The following ANKRD44 variants were observed in gnomAD, a reference collection of about 807,000 sequenced individuals.
The protein encoded by ANKRD44 is ankyrin repeat domain 44, also known as serine/threonine-protein phosphatase 6 regulatory ankyrin repeat subunit B.
Under a neutral mutation model 116.0 loss-of-function variants are expected in ANKRD44, and 35 were observed. The ratio of observed to expected loss-of-function variants is 0.30; its 90% confidence interval spans 0.23 to 0.40. The LOEUF is 0.40. Ranked by LOEUF, ANKRD44 falls within the 10% of genes least tolerant of loss-of-function variation. ANKRD44 has a pLI of 1.00. For missense variants in ANKRD44, 1,014 were observed against 1,242.6 expected, an observed-to-expected ratio of 0.82 and a Z score of 2.77; for synonymous variants, 435 against 461.8, an observed-to-expected ratio of 0.94 and a Z score of 0.74.
intron 16 of ANKRD44, among the ~76,000 whole-genome samples, chr2:197,070,919 C>G (rs567315056): frequency 6.6e-6 from 1 of 152,100 alleles, no homozygotes; most frequent in African/African-American, 2.4e-5. Context: ...AGTTAAAGGG[C>G]TATTCAAATG....
chr2:197,094,566 G>C (rs1410437579), intron 10 of ANKRD44, among the ~76,000 whole-genome samples: 1 of 152,152 alleles, frequency 6.6e-6, no homozygotes, highest in Non-Finnish European at 1.5e-5. Context: ...ATCATGATCG[G>C]TTAACATTTC....
chr2:197,223,384 G>T (rs1163373716), intron 1 of ANKRD44, among the ~76,000 whole-genome samples: 3 of 152,066 alleles, frequency 2.0e-5, no homozygotes, highest in Admixed American at 2.0e-4. Context: ...TTACATAAAT[G>T]GATTTAGAGG....
intron 3 of ANKRD44, among the ~76,000 whole-genome samples, chr2:197,140,302 T>A (rs920364960): frequency 6.6e-6 from 1 of 152,082 alleles, no homozygotes; most frequent in African/African-American, 2.4e-5. Context: ...CAACACTTGA[T>A]GTTATCAGGC....
chr2:197,156,086 C>T (rs970248130), intron 2 of ANKRD44, among the ~76,000 whole-genome samples: 7 of 152,190 alleles, frequency 4.6e-5, no homozygotes, highest in African/African-American at 1.7e-4. Context: ...GTGGCTCACA[C>T]CTGTAATCCC....
chr2:197,305,648 C>T (rs961956210), intron 1 of ANKRD44, among the ~76,000 whole-genome samples: 1 of 151,956 alleles, frequency 6.6e-6, no homozygotes, highest in Admixed American at 6.6e-5. Context: ...AAAGTTAGTT[C>T]CATTAATCCA....
intron 10 of ANKRD44, among the ~76,000 whole-genome samples, chr2:197,097,800 C>T (rs1346646929): frequency 2.6e-5 from 4 of 152,186 alleles, no homozygotes; most frequent in East Asian, 1.9e-4. Context: ...ACCTGTTCTA[C>T]GCCCACTTAG....
rs375667381 is a variant in ANKRD44 at position 197,273,301 on chromosome 2, A to T, written c.27+37277T>A. Reference sequence around the variant, plus strand: ...GCTCCTACAAACTGGTCAGAAGAGGATAGTTAACCCGATTTTTTTAACATC... The same window carrying T: ...GCTCCTACAAACTGGTCAGAAGAGGTTAGTTAACCCGATTTTTTTAACATC... On this transcript the variant is annotated intron_variant, in intron 1 of 27. Transcript: ENST00000282272. Among the ~76,000 whole-genome samples, 5 of 152,216 alleles carry T rather than the reference A, an allele frequency of 3.3e-5. No homozygotes were observed. The East Asian group carries it at 5.8e-4, about 18-fold the overall frequency.
At chr2:196,985,900 T>C (rs574313393), downstream of ANKRD44, among the ~76,000 whole-genome samples, 10 of 152,320 alleles carry the variant, frequency 6.6e-5, no homozygotes, top group South Asian at 1.2e-3. Context: ...CCTTTAAGGA[T>C]AGTGCAGAGA....
intron 3 of ANKRD44, among the ~76,000 whole-genome samples, chr2:197,138,634 G>A (rs904676530): frequency 6.6e-6 from 1 of 152,064 alleles, no homozygotes; most frequent in Admixed American, 6.6e-5. Context: ...AAAATTACCC[G>A]CCTTTACGTC....
At chr2:197,138,941 A>C (rs911403595) in intron 3 of ANKRD44, among the ~76,000 whole-genome samples, 3 of 152,218 alleles carry the variant, frequency 2.0e-5, no homozygotes, top group African/African-American at 7.2e-5. Context: ...GTACTTCTCA[A>C]AATTCGTCAG....
At chr2:197,006,996 T>TG (rs1219222574) in intron 20 of ANKRD44, among the ~76,000 whole-genome samples, 1 of 151,750 alleles carries the variant, frequency 6.6e-6, no homozygotes, top group East Asian at 1.9e-4. Context: ...TCCCAGTTAC[T>TG]GGGGGGAGTT....
chr2:197,271,889 AG>A lies in ANKRD44; in HGVS notation c.27+38688del, dbSNP rs565344508. Among the ~76,000 whole-genome samples the A allele has an allele frequency of 5.1e-4, 78 of 152,356 alleles. No individual in the cohort carries two copies. The East Asian group carries it at 0.013, about 26-fold the overall frequency. ...AGTGCTGGGATTACAGGCATGAGCC[AG>A]CACGCCCAGCCCAAGGTTTTAAAAC... On this transcript the variant is annotated intron_variant, in intron 1 of 27. Coordinates refer to ENST00000282272, the MANE Select transcript of ANKRD44 (RefSeq NM_001195144.2).
chr2:197,305,962 T>G, intron 1 of ANKRD44, among the ~76,000 whole-genome samples: 1 of 117,962 alleles, frequency 8.5e-6, no homozygotes, highest in East Asian at 2.6e-4. Context: ...TGACCGCAGT[T>G]CGTTTTATAT....
rs764298620 is a variant in ANKRD44, at chr2:197,013,739, A to G, written c.1723-27T>C. The G allele has an allele frequency of 4.3e-6, 7 of 1,611,048 alleles. No individual in the cohort carries two copies. In the East Asian group the frequency reaches 1.6e-4, roughly 36 times the overall value. On this transcript the variant is annotated intron_variant, in intron 17 of 27. Coordinates refer to ENST00000282272, the MANE Select transcript of ANKRD44 (RefSeq NM_001195144.2). ...TGCAAAGAAGAAACCAATGGCTCCC[A>G]TGCTTGCTCGCTCACCTCAAATCCC...
At chr2:197,162,710 T>C (rs1293869930) in intron 2 of ANKRD44, among the ~76,000 whole-genome samples, 1 of 152,234 alleles carries the variant, frequency 6.6e-6, no homozygotes, top group Non-Finnish European at 1.5e-5. Flanking sequence ...CTCCATGCTA[T>C]AGGCTTCTGG....
At chr2:197,094,595 C>T (rs2078119377) in intron 10 of ANKRD44, among the ~76,000 whole-genome samples, 1 of 152,172 alleles carries the variant, frequency 6.6e-6, no homozygotes, top group African/African-American at 2.4e-5. Context: ...TTCTGTGTGT[C>T]TAAATTCTTT....
At chr2:197,140,348 G>C (rs769225637) in intron 3 of ANKRD44, among the ~76,000 whole-genome samples, 3 of 151,908 alleles carry the variant, frequency 2.0e-5, no homozygotes, top group African/African-American at 7.3e-5. Flanking sequence ...TAGAGACAGG[G>C]TCTCACTCTG....
intron 3 of ANKRD44, among the ~76,000 whole-genome samples, chr2:197,146,691 ATGTT>A (rs2079513408): frequency 6.8e-6 from 1 of 147,542 alleles, no homozygotes; most frequent in Non-Finnish European, 1.5e-5. Context: ...GTATAGGTGT[ATGTT>A]CATGTAGACT....
At chr2:197,301,467 T>C (rs2083906730) in intron 1 of ANKRD44, 1 of 152,238 alleles carries the variant, frequency 6.6e-6, no homozygotes, top group Non-Finnish European at 1.5e-5. Context: ...CCTACAGTGC[T>C]AACCATCCTC....
Sources: gnomAD v4.1 joint callset for allele counts (sites outside exome capture counted in the v4.1 genomes callset) on GRCh38, gnomAD v4.1.1 for gene constraint, MANE v1.5 for transcripts, NCBI Gene and HGNC (gene_info 2026-07-23, HGNC 2026-07-21) for gene names.